The following LTBP1 variants were observed in gnomAD, a reference collection of about 807,000 sequenced individuals.
LTBP1 encodes latent transforming growth factor beta binding protein 1.
A neutral mutation model predicts 207.6 loss-of-function variants in LTBP1; 129 were observed. The ratio of observed to expected loss-of-function variants is 0.62; its 90% CI spans 0.54 to 0.72. The LOEUF is 0.72. Among genes scored for constraint, LTBP1 ranks in the 30% least tolerant of loss-of-function variants. LTBP1 has a pLI of 0.00. For missense variants in LTBP1, 2,281 were observed against 2,217.2 expected, an observed-to-expected ratio of 1.03 and a Z score of -0.58; for synonymous variants, 963 against 833.7, an observed-to-expected ratio of 1.16 and a Z score of -2.67.
intron 9 of LTBP1, among the ~76,000 whole-genome samples, chr2:33,224,521 T>C (rs1263519329): frequency 6.6e-6 from 1 of 152,232 alleles, no homozygotes; most frequent in Non-Finnish European, 1.5e-5. Flanking sequence ...TATTTCTTCC[T>C]TACGTATTTA....
chr2:33,277,829 CTTTTTTT>C (rs199950784), intron 18 of LTBP1, among the ~76,000 whole-genome samples: 1 of 85,188 alleles, frequency 1.2e-5, no homozygotes, highest in Non-Finnish European at 2.2e-5. Context: ...TTCTTTCTTT[CTTTTTTT>C]TTTTTTTTTT....
Position 33,254,550 on chromosome 2 carries a change from T to TTG in LTBP1, c.2167+1707_2167+1708insGT, listed in dbSNP as rs1553469979. ...TAGTTCGTTAATTCTTTAAACTTGG[T>TTG]TTTTTTTTTTTTTTTTTTAGGGAGT... On this transcript the variant is annotated intron_variant, in intron 11 of 33. Coordinates refer to ENST00000404816, the MANE Select transcript of LTBP1 (RefSeq NM_206943.4). Among the ~76,000 whole-genome samples, 6 of 20,820 alleles carry TTG rather than the reference T, an allele frequency of 2.9e-4. No individual in the cohort carries two copies. The South Asian group carries it at 8.1e-3, about 28-fold the overall frequency. 13.7% of individuals were successfully genotyped at this position (20,820 alleles called of 152,430 possible).
intron 31 of LTBP1, among the ~76,000 whole-genome samples, chr2:33,386,145 C>G (rs140883933): frequency 6.6e-6 from 1 of 152,174 alleles, no homozygotes; most frequent in African/African-American, 2.4e-5. Flanking sequence ...TTTCTTGATG[C>G]CTTTGGGTAC....
At chr2:33,259,693 TTAAA>T in intron 13 of LTBP1, 83 bp downstream of exon 13, 2 of 1,295,968 alleles carry the variant, frequency 1.5e-6, no homozygotes, top group Non-Finnish European at 2.2e-6. Context: ...TTTTTTAGAC[TTAAA>T]TATAGTAACA....
Position 33,055,294 on chromosome 2 carries a change from G to A in LTBP1, c.863+34088G>A, listed in dbSNP as rs182221392. Among the ~76,000 whole-genome samples the A allele has an allele frequency of 2.9e-3, 440 of 152,318 alleles. 2 individuals carry two copies. Among genetic ancestry groups the A allele is most frequent in the Non-Finnish European group, 3.1e-3 (208 of 68,036 alleles). ...CCCTCGAGTGATTCGGGTGACAGGG[G>A]AGTATGTTTTCTTAAGGCCTCCCAT... On this transcript the variant is annotated intron_variant, in intron 3 of 33. Transcript: ENST00000404816.
At chr2:33,126,292 C>T (rs1210927896) in intron 4 of LTBP1, among the ~76,000 whole-genome samples, 4 of 152,136 alleles carry the variant, frequency 2.6e-5, no homozygotes, top group Admixed American at 2.6e-4. Context: ...TAGTCTCGAT[C>T]TCCTGAACTC....
intron 4 of LTBP1, among the ~76,000 whole-genome samples, chr2:33,112,642 A>C (rs1195738340): frequency 6.6e-6 from 1 of 152,188 alleles, no homozygotes; most frequent in Non-Finnish European, 1.5e-5. Context: ...TGAGAGCTGG[A>C]GGGCTAGTTG....
At chr2:33,318,799 A>G (rs1386322155) in intron 24 of LTBP1, among the ~76,000 whole-genome samples, 1 of 152,198 alleles carries the variant, frequency 6.6e-6, no homozygotes, top group Non-Finnish European at 1.5e-5. Flanking sequence ...CCATTTGATC[A>G]TATCCATTTG....
intron 11 of LTBP1, among the ~76,000 whole-genome samples, chr2:33,253,682 A>G (rs2092745730): frequency 6.6e-6 from 1 of 152,152 alleles, no homozygotes; most frequent in South Asian, 2.1e-4. Flanking sequence ...AGTGTCTTAA[A>G]GCTGTAACTT....
chr2:33,099,045 T>C (rs1294256922), intron 3 of LTBP1, among the ~76,000 whole-genome samples: 1 of 152,218 alleles, frequency 6.6e-6, no homozygotes, highest in Non-Finnish European at 1.5e-5. Flanking sequence ...TCCAGACATA[T>C]TGAAATAAGC....
chr2:33,149,234 A>AC (rs2083311909), intron 5 of LTBP1, among the ~76,000 whole-genome samples: 3 of 109,362 alleles, frequency 2.7e-5, no homozygotes, highest in African/African-American at 3.4e-5. Flanking sequence ...AAAACAAAAA[A>AC]AAAAAAAAAA....
chr2:33,197,826 T>G (rs2088748962), intron 7 of LTBP1, among the ~76,000 whole-genome samples: 1 of 152,150 alleles, frequency 6.6e-6, no homozygotes, highest in Non-Finnish European at 1.5e-5. Context: ...AAGCCTGTGC[T>G]CTTTGTTGAA....
In LTBP1 at chr2:33,252,655, G is replaced by A. The variant is rs374911766; in HGVS notation, c.2000-22G>A. 73 of 1,585,246 alleles carry A rather than the reference G, an allele frequency of 4.6e-5. No homozygotes were observed. The highest frequency in any genetic ancestry group is 5.3e-5 in the Non-Finnish European group (62 of 1,160,218). On this transcript the variant is annotated intron_variant, in intron 10 of 33. Coordinates refer to ENST00000404816, the MANE Select transcript of LTBP1 (RefSeq NM_206943.4). The stretch of plus-strand genomic sequence containing the variant: ...TAGTTTTGGTTTCTCATGTAATGTC[G>A]GGCTTTATCTCTCTGCTTCAGCTGA...
chr2:33,011,354 C>T lies in LTBP1; in HGVS notation c.566-9555C>T, dbSNP rs73924119. Reference sequence around the variant, plus strand: ...GGCTGAATTTTGTTTCCCCAAAATTCTTCTATAGAAGTCCTAATCCCCAGT... The same window carrying T: ...GGCTGAATTTTGTTTCCCCAAAATTTTTCTATAGAAGTCCTAATCCCCAGT... On this transcript the variant is annotated intron_variant, in intron 2 of 33. Transcript: ENST00000404816. Among the ~76,000 whole-genome samples, 1,202 of 152,170 alleles carry T rather than the reference C, an allele frequency of 7.9e-3. 9 individuals are homozygous for T. The highest frequency in any genetic ancestry group is 0.026 in the African/African-American group (1,067 of 41,520).
chr2:33,020,088 AGAAGTT>A (rs1350001232), intron 2 of LTBP1, among the ~76,000 whole-genome samples: 1 of 152,140 alleles, frequency 6.6e-6, no homozygotes, highest in Admixed American at 6.5e-5. Flanking sequence ...TAGGAGATGA[AGAAGTT>A]GTTTCTTTTT....
At chr2:33,157,863 C>G (rs926490262) in intron 5 of LTBP1, among the ~76,000 whole-genome samples, 1 of 152,064 alleles carries the variant, frequency 6.6e-6, no homozygotes, top group African/African-American at 2.4e-5. Flanking sequence ...AAATATAGGC[C>G]ACATGCGGTG....
At chr2:33,037,174 T>TAA (rs5830251) in intron 3 of LTBP1, among the ~76,000 whole-genome samples, 5 of 151,870 alleles carry the variant, frequency 3.3e-5, no homozygotes, top group African/African-American at 9.7e-5. Context: ...GTCCCTCTCA[T>TAA]AAAAAAAATT....
intron 10 of LTBP1, among the ~76,000 whole-genome samples, chr2:33,245,215 A>G (rs184406345): frequency 2.9e-4 from 44 of 152,212 alleles, no homozygotes; most frequent in African/African-American, 1.0e-3. Context: ...TTTGGTATAT[A>G]ATGAGCTGCA....
At chr2:33,197,395 C>A (rs944081610) in intron 7 of LTBP1, among the ~76,000 whole-genome samples, 2 of 152,176 alleles carry the variant, frequency 1.3e-5, no homozygotes, top group Non-Finnish European at 1.5e-5. Flanking sequence ...CCAGTGGTTA[C>A]AATCACCAGC....
Sources: gnomAD v4.1 joint callset for allele counts (sites outside exome capture counted in the v4.1 genomes callset) on GRCh38, gnomAD v4.1.1 for gene constraint, MANE v1.5 for transcripts, NCBI Gene and HGNC (gene_info 2026-07-23, HGNC 2026-07-21) for gene names.